The following TMCC1 variants were observed in gnomAD, a reference collection of about 807,000 sequenced individuals.
TMCC1 encodes the protein transmembrane and coiled-coil domain family 1.
A neutral mutation model predicts 52.4 loss-of-function variants in TMCC1; 15 were observed. The ratio of observed to expected loss-of-function variants is 0.29; its 90% CI spans 0.19 to 0.44. The LOEUF is 0.44. Ranked by LOEUF, TMCC1 falls within the 20% of genes least tolerant of loss-of-function variation. TMCC1 has a pLI of 1.00. For missense variants in TMCC1, 503 were observed against 806.0 expected, an observed-to-expected ratio of 0.62 and a Z score of 4.55; for synonymous variants, 279 against 301.9, an observed-to-expected ratio of 0.92 and a Z score of 0.79.
chr3:129,662,731 T>C (rs6802938), intron 5 of TMCC1, among the ~76,000 whole-genome samples: 2,196 of 152,276 alleles, frequency 0.014, 54 homozygotes, highest in African/African-American at 0.05. Flanking sequence ...CACATGACTA[T>C]GTGTGATTTT....
chr3:129,732,516 T>C (rs2050623571), intron 4 of TMCC1, among the ~76,000 whole-genome samples: 1 of 152,146 alleles, frequency 6.6e-6, no homozygotes, highest in Non-Finnish European at 1.5e-5. Flanking sequence ...ATAATAAAAT[T>C]TAAAGAGTTT....
At chr3:129,732,016 T>C (rs1247007602) in intron 4 of TMCC1, among the ~76,000 whole-genome samples, 3 of 152,214 alleles carry the variant, frequency 2.0e-5, no homozygotes, top group African/African-American at 7.2e-5. Context: ...TAGTATTTCA[T>C]GTGTGGCAAA....
At chr3:129,802,756 G>A (rs1357816380) in intron 4 of TMCC1, among the ~76,000 whole-genome samples, 1 of 152,160 alleles carries the variant, frequency 6.6e-6, no homozygotes, top group Non-Finnish European at 1.5e-5. Flanking sequence ...ATAGCATAGA[G>A]CAACCATGAG....
intron 4 of TMCC1, among the ~76,000 whole-genome samples, chr3:129,820,688 G>A (rs1040673773): frequency 4.6e-5 from 7 of 152,102 alleles, no homozygotes; most frequent in African/African-American, 1.7e-4. Context: ...AGGCTCAAAA[G>A]GAGAAGTGGA....
intron 4 of TMCC1, among the ~76,000 whole-genome samples, chr3:129,685,832 ACACTGTTCCATATCTCAGGAAAAGCAT>A (rs1179980687): frequency 2.0e-5 from 3 of 152,222 alleles, no homozygotes; most frequent in Non-Finnish European, 4.4e-5. Context: ...AGATCTTCTT[ACACTGTTCCATATCTCAGGAAAAGCAT>A]CTGTCTATCA....
At chr3:129,655,670 G>A (rs1328049903) in intron 5 of TMCC1, among the ~76,000 whole-genome samples, 1 of 152,208 alleles carries the variant, frequency 6.6e-6, no homozygotes, top group South Asian at 2.1e-4. Flanking sequence ...TATGTACCAG[G>A]CATGTTCAAA....
At chr3:129,660,611 ACTT>A (rs2086960422) in intron 5 of TMCC1, among the ~76,000 whole-genome samples, 1 of 152,092 alleles carries the variant, frequency 6.6e-6, no homozygotes, top group Admixed American at 6.5e-5. Flanking sequence ...AGCCTCTTTT[ACTT>A]CTTATTTCAT....
At position 129,823,323 on chromosome 3, in the gene TMCC1, T is replaced by A. The variant is rs568684764; in HGVS notation, c.576+4480A>T. 3.1e-4 allele frequency among the ~76,000 whole-genome samples: 19 copies of A among 61,614 alleles called. No individual in the cohort carries two copies. In the East Asian group the frequency reaches 0.013, roughly 43 times the overall value. 40.4% of individuals were successfully genotyped at this position (61,614 alleles called of 152,430 possible). A position where few individuals can be genotyped will look rare whatever the true frequency, so the allele number is the denominator to read the frequency against. On this transcript the variant is annotated intron_variant, in intron 4 of 6. Coordinates refer to ENST00000393238, the MANE Select transcript of TMCC1 (RefSeq NM_001017395.5). ...CCTGGGCAACAAGAGCGAAATTCCA[T>A]CTCAAACAAAACAAAACAAAAATAA...
intron 1 of TMCC1, among the ~76,000 whole-genome samples, chr3:129,885,843 A>G (rs534482119): frequency 6.7e-6 from 1 of 149,988 alleles, no homozygotes; most frequent in African/African-American, 2.4e-5. Flanking sequence ...CCTGGGTTCA[A>G]GCAATTCTCC....
intron 4 of TMCC1, among the ~76,000 whole-genome samples, chr3:129,680,374 A>C (rs544265560): frequency 1.1e-4 from 17 of 152,202 alleles, no homozygotes; most frequent in African/African-American, 3.4e-4. Flanking sequence ...TTAATCCTCA[A>C]AACAAACCTA....
At chr3:129,852,504 A>G (rs2059962288) in intron 2 of TMCC1, among the ~76,000 whole-genome samples, 1 of 151,796 alleles carries the variant, frequency 6.6e-6, no homozygotes, top group African/African-American at 2.4e-5. Context: ...TGCAGTATAC[A>G]ACAACGAAGA....
chr3:129,793,760 G>A (rs1295089612), intron 4 of TMCC1, among the ~76,000 whole-genome samples: 2 of 152,160 alleles, frequency 1.3e-5, no homozygotes, highest in Non-Finnish European at 2.9e-5. Flanking sequence ...CATGGAACCT[G>A]CTTTTCATCA....
In TMCC1 at chr3:129,658,169, A is replaced by G. The variant is rs1180651083; in HGVS notation, c.1512-3066T>C. Among the ~76,000 whole-genome samples the G allele has an allele frequency of 2.6e-5, 4 of 152,234 alleles. No homozygotes were observed. The East Asian group carries it at 7.7e-4, about 29-fold the overall frequency. The stretch of plus-strand genomic sequence containing the variant: ...TGGATGCTCACAGAAACATTAGAAC[A>G]TAAAACACAAATGTGAACACAGTTT... On this transcript the variant is annotated intron_variant, in intron 5 of 6. Transcript: ENST00000393238.
intron 5 of TMCC1, among the ~76,000 whole-genome samples, chr3:129,665,642 T>G (rs1286321134): frequency 6.6e-6 from 1 of 152,206 alleles, no homozygotes; most frequent in Non-Finnish European, 1.5e-5. Context: ...ATGCATCTAA[T>G]GCTTCAGAGA....
chr3:129,804,342 A>G (rs1201536688), intron 4 of TMCC1, among the ~76,000 whole-genome samples: 2 of 152,190 alleles, frequency 1.3e-5, no homozygotes, highest in East Asian at 3.8e-4. Context: ...TTTTTGTGCT[A>G]TTCTTTGAGT....
chr3:129,833,794 AT>A (rs572031589), intron 2 of TMCC1, among the ~76,000 whole-genome samples: 3 of 152,268 alleles, frequency 2.0e-5, no homozygotes, highest in African/African-American at 7.2e-5. Flanking sequence ...TATTCATTAA[AT>A]TTTTTTAAAT....
At chr3:129,804,585 TTAAG>T (rs1302305227) in intron 4 of TMCC1, among the ~76,000 whole-genome samples, 1 of 152,200 alleles carries the variant, frequency 6.6e-6, no homozygotes, top group East Asian at 1.9e-4. Flanking sequence ...GTAAACTAAA[TTAAG>T]TAATACTATT....
intron 4 of TMCC1, among the ~76,000 whole-genome samples, chr3:129,699,167 A>G (rs182203155): frequency 3.9e-5 from 6 of 152,318 alleles, no homozygotes; most frequent in African/African-American, 1.4e-4. Context: ...GCTGGGTAAA[A>G]TAACACTGAG....
chr3:129,741,866 C>T (rs984188179), intron 4 of TMCC1, among the ~76,000 whole-genome samples: 3 of 152,118 alleles, frequency 2.0e-5, no homozygotes, highest in African/African-American at 7.2e-5. Context: ...TACTTATATA[C>T]AACACAGGCA....
Sources: allele counts gnomAD v4.1 joint callset (sites outside exome capture counted in the v4.1 genomes callset), GRCh38; gene constraint gnomAD v4.1.1; transcripts MANE v1.5; gene names NCBI Gene and HGNC (gene_info 2026-07-23, HGNC 2026-07-21).